Variants in STAG2 observed in about 807,000 individuals in gnomAD.
STAG2 encodes the protein cohesin subunit SA-2.
In STAG2, 14 loss-of-function variants were observed where a neutral mutation model predicts 108.1. The ratio of observed to expected loss-of-function variants is 0.13; its 90% CI spans 0.09 to 0.20. STAG2 has a LOEUF of 0.20. Among genes scored for constraint, STAG2 ranks in the 10% least tolerant of loss-of-function variants. The pLI is 1.00. For synonymous variants in STAG2, 307 were observed against 302.7 expected (o/e 1.01, Z -0.15); for missense variants, 440 against 940.9 (o/e 0.47, Z 6.96).
chrX:124,051,254 C>T (rs1360971047), intron 12 of STAG2, 35 bp downstream of exon 12: 1 of 1,145,623 alleles, frequency 8.7e-7, no homozygotes, highest in South Asian at 1.9e-5. Flanking sequence ...AATAACTTGT[C>T]ATTTGCAAAC....
In STAG2 at chrX:124,090,530, A is replaced by C. The variant is rs376367817; in HGVS notation, c.3278-45A>C. On this transcript the variant is annotated intron_variant, in intron 30 of 34. Coordinates refer to ENST00000371145, the MANE Select transcript of STAG2 (RefSeq NM_001042750.2). Reference sequence around the variant, plus strand: ...AACAGGTTGTATTAGACATCTGAATAGTCAAAATTAGTGACTAAACCTCGT... The same window carrying C: ...AACAGGTTGTATTAGACATCTGAATCGTCAAAATTAGTGACTAAACCTCGT... 364 of 1,066,165 alleles carry C rather than the reference A, an allele frequency of 3.4e-4. 1 individual carries two copies. Among genetic ancestry groups the C allele is most frequent in the Non-Finnish European group, 4.5e-4 (346 of 773,609 alleles). 87.9% of individuals were successfully genotyped at this position (1,066,165 alleles called of 1,213,427 possible).
intron 4 of STAG2, among the ~76,000 whole-genome samples, chrX:124,027,306 A>G (rs1433175299): frequency 8.9e-6 from 1 of 111,922 alleles, no homozygotes; most frequent in Non-Finnish European, 1.9e-5. Context: ...ATATTTTTTG[A>G]GTGCTCATAA....
intron 14 of STAG2, among the ~76,000 whole-genome samples, chrX:124,057,524 A>AT (rs1454675292): frequency 8.9e-6 from 1 of 112,408 alleles, no homozygotes; most frequent in Non-Finnish European, 1.9e-5. Context: ...TGTATCATAG[A>AT]TTTTTTAGCA....
intron 1 of STAG2, among the ~76,000 whole-genome samples, chrX:123,972,362 C>T (rs1305094759): frequency 9.2e-6 from 1 of 108,173 alleles, no homozygotes; most frequent in Non-Finnish European, 1.9e-5. Context: ...GCTCCACCTC[C>T]GGGGTTCACG....
At chrX:124,068,085 A>G (rs2058582955) in intron 23 of STAG2, among the ~76,000 whole-genome samples, 1 of 111,612 alleles carries the variant, frequency 9.0e-6, no homozygotes, top group African/African-American at 3.2e-5. Flanking sequence ...TTTAAAGTTT[A>G]TAGTAATACC....
At chrX:124,078,125 C>T in intron 27 of STAG2, 67 bp downstream of exon 27, 1 of 798,268 alleles carries the variant, frequency 1.3e-6, no homozygotes, top group East Asian at 3.5e-5. Flanking sequence ...AATAAGGTAG[C>T]AGTTGAAATT....
intron 30 of STAG2, among the ~76,000 whole-genome samples, chrX:124,087,392 A>G (rs1021232560): frequency 8.9e-6 from 1 of 111,845 alleles, no homozygotes; most frequent in Non-Finnish European, 1.9e-5. Flanking sequence ...TGTCCCAGTT[A>G]TTATTGTTGA....
chrX:123,996,409 CTAATT>C (rs2055739440), intron 1 of STAG2, among the ~76,000 whole-genome samples: 1 of 111,789 alleles, frequency 8.9e-6, no homozygotes, highest in Admixed American at 9.6e-5. Flanking sequence ...TATATACAGT[CTAATT>C]TACACTTTTT....
At chrX:124,047,547 C>T in intron 9 of STAG2, 42 bp downstream of exon 9, 1 of 1,101,140 alleles carries the variant, frequency 9.1e-7, no homozygotes. Context: ...GTGTGACCAA[C>T]TTGGTCACCA....
chrX:124,037,659 A>T (rs897182636), intron 6 of STAG2, 36 bp downstream of exon 6: 1 of 945,281 alleles, frequency 1.1e-6, no homozygotes. Context: ...GCAGCTCTCA[A>T]ATAGTCACTT....
chrX:124,078,093 A>G (rs757822397), intron 27 of STAG2, 35 bp downstream of exon 27: 11 of 999,640 alleles, frequency 1.1e-5, no homozygotes, highest in East Asian at 3.1e-5. Flanking sequence ...AGCTAACACA[A>G]TTAACACCTA....
intron 25 of STAG2, among the ~76,000 whole-genome samples, chrX:124,075,985 T>C (rs1053986369): frequency 4.5e-5 from 5 of 111,682 alleles, no homozygotes; most frequent in African/African-American, 1.6e-4. Context: ...AGGTTGGCAG[T>C]GTTCAGGAAC....
chrX:124,051,156 A>G lies in STAG2; in HGVS notation c.1053A>G (p.Leu351=), dbSNP rs201201019. 2.8e-5 allele frequency: 32 copies of G among 1,154,471 alleles called. No individual in the cohort carries two copies. In the East Asian group the frequency reaches 8.9e-4, roughly 32 times the overall value. The change falls in exon 12 of 35, where the codon CTA becomes CTG. Residue 351 remains leucine (L), a synonymous_variant. Transcript: ENST00000371145. ...TAAGACTCAAATGTCTTACTGCTCT[A>G]CAAGGGCTTTATTATAACAAAGAGC... ...GEVRLKCLTA[L]QGLYYNKELN...
chrX:123,967,770 A>G (rs1202615355), intron 1 of STAG2, among the ~76,000 whole-genome samples: 1 of 111,318 alleles, frequency 9.0e-6, no homozygotes, highest in Non-Finnish European at 1.9e-5. Flanking sequence ...GCTGTACTGA[A>G]TATCGTAGGC....
intron 1 of STAG2, among the ~76,000 whole-genome samples, chrX:123,975,486 G>C (rs891504034): frequency 8.9e-6 from 1 of 111,958 alleles, no homozygotes; most frequent in African/African-American, 3.2e-5. Flanking sequence ...TTTTGAGCCA[G>C]AGTTTCGCTC....
At chrX:124,028,847 C>A (rs1346336568) in intron 4 of STAG2, among the ~76,000 whole-genome samples, 1 of 97,109 alleles carries the variant, frequency 1.0e-5, no homozygotes, top group Non-Finnish European at 2.0e-5. Flanking sequence ...GAGATGGGGT[C>A]TCGCTCTGTT....
intron 1 of STAG2, among the ~76,000 whole-genome samples, chrX:124,015,902 C>G (rs1379239604): frequency 9.0e-6 from 1 of 111,362 alleles, no homozygotes; most frequent in Non-Finnish European, 1.9e-5. Context: ...CTTCTGTATG[C>G]TGTCTCCTGA....
intron 1 of STAG2, among the ~76,000 whole-genome samples, chrX:123,985,626 T>A (rs1196472174): frequency 9.1e-6 from 1 of 110,094 alleles, no homozygotes; most frequent in Non-Finnish European, 1.9e-5. Flanking sequence ...TGGAATACAG[T>A]AGCAAGACCA....
At chrX:124,083,793 A>T (rs1159418027) in intron 29 of STAG2, among the ~76,000 whole-genome samples, 1 of 111,912 alleles carries the variant, frequency 8.9e-6, no homozygotes, top group Non-Finnish European at 1.9e-5. Flanking sequence ...TAATTTGAAT[A>T]CTTTATGTAT....
Sources: gnomAD v4.1 joint callset for allele counts (sites outside exome capture counted in the v4.1 genomes callset) on GRCh38, gnomAD v4.1.1 for gene constraint, MANE v1.5 for transcripts, NCBI Gene and HGNC (gene_info 2026-07-23, HGNC 2026-07-21) for gene names.